Variants in SLC22A25 observed in about 807,000 individuals in gnomAD.
SLC22A25 encodes solute carrier family 22 member 25, also known as MGI:2442751, MGI:2385316, MGI:3042283, MGI:3645714, MGI:3605624, MGI:2442750.
A neutral mutation model predicts 45.9 loss-of-function variants in SLC22A25; 44 were observed. The observed-to-expected ratio is 0.96, with a 90% CI of 0.75 to 1.23. The LOEUF (loss-of-function observed/expected upper bound fraction) is 1.23. SLC22A25 is among the 50% of genes most tolerant of loss of function. The pLI is 0.00. For missense variants in SLC22A25, 800 were observed against 666.4 expected (o/e 1.20, Z -2.21); for synonymous variants, 283 against 238.6 (o/e 1.19, Z -1.72).
rs1050037165 is a variant in SLC22A25, at chr11:63,158,772, T to C, written c.*5052A>G. ...TACAAACAATCCAATTATACTTTTTTAGTTATTTAAAAATGAATTAAGTTA... is the reference window on the plus strand; with the variant it reads ...TACAAACAATCCAATTATACTTTTTCAGTTATTTAAAAATGAATTAAGTTA... On this transcript the variant is annotated 3_prime_UTR_variant, in exon 12 of 12. Coordinates refer to ENST00000306494, the MANE Select transcript of SLC22A25 (RefSeq NM_199352.6). Among the ~76,000 whole-genome samples, 2 of 152,356 alleles carry C rather than the reference T, an allele frequency of 1.3e-5. No individual in the cohort carries two copies. The highest frequency in any genetic ancestry group is 4.8e-5 in the African/African-American group (2 of 41,584).
intron 5 of SLC22A25, among the ~76,000 whole-genome samples, chr11:63,219,170 A>G (rs1207907324): frequency 6.6e-6 from 1 of 152,214 alleles, no homozygotes; most frequent in Admixed American, 6.5e-5. Flanking sequence ...TTAATGGAAA[A>G]ATGCATGACT....
intron 7 of SLC22A25, among the ~76,000 whole-genome samples, chr11:63,213,075 G>T (rs2089619883): frequency 6.6e-6 from 1 of 152,190 alleles, no homozygotes; most frequent in Non-Finnish European, 1.5e-5. Flanking sequence ...CCCAGGCTTG[G>T]AAGTGCACAC....
At chr11:63,217,967 A>G in intron 5 of SLC22A25, 1 of 638,538 alleles carries the variant, frequency 1.6e-6, no homozygotes, top group Middle Eastern at 2.5e-4. Flanking sequence ...TTGCCAGTAG[A>G]TCATTGATAC....
chr11:63,168,248 G>A (rs572419211), intron 9 of SLC22A25, among the ~76,000 whole-genome samples: 2 of 152,266 alleles, frequency 1.3e-5, no homozygotes, highest in South Asian at 2.1e-4. Context: ...CCAAAAAACC[G>A]AATGCGTCTT....
intron 7 of SLC22A25, among the ~76,000 whole-genome samples, chr11:63,196,158 G>A (rs1019703971): frequency 2.0e-5 from 3 of 152,096 alleles, no homozygotes; most frequent in Admixed American, 6.5e-5. Context: ...ATTCACAGCC[G>A]AATTCTACCA....
At chr11:63,243,243 G>A (rs569925099) in intron 1 of SLC22A25, 191 bp downstream of exon 1, 40 of 352,780 alleles carry the variant, frequency 1.1e-4, no homozygotes, top group Middle Eastern at 8.7e-4. Context: ...CCATCCAGCC[G>A]TACATGCACA....
At chr11:63,201,980 G>A (rs1010673913) in intron 7 of SLC22A25, among the ~76,000 whole-genome samples, 1 of 152,144 alleles carries the variant, frequency 6.6e-6, no homozygotes, top group African/African-American at 2.4e-5. Context: ...GACAGTGGGT[G>A]CAGCTCACAG....
In SLC22A25 at chr11:63,164,559, G is replaced by T. The variant is rs2134703989; in HGVS notation, c.1361C>A (p.Ala454Asp). The change falls in exon 11 of 12, where the codon GCC becomes GAC. Residue 454 changes from alanine (A) to aspartate (D), a missense_variant. Ala to Asp is a moderately radical substitution (Grantham distance 126). Coordinates refer to ENST00000306494, the MANE Select transcript of SLC22A25 (RefSeq NM_199352.6). Reference sequence around the variant, plus strand: ...GGAAGGAATTAGTTCATTTTCTTGGGCAGTAGAACAGGTAATGCCAAGAGA... The same window carrying T: ...GGAAGGAATTAGTTCATTTTCTTGGTCAGTAGAACAGGTAATGCCAAGAGA... ...AASLGITCST[A>D]QENELIPSII... The T allele has an allele frequency of 1.2e-6, 2 of 1,613,728 alleles. No homozygotes were observed. The highest frequency in any genetic ancestry group is 4.5e-5 in the East Asian group (2 of 44,830).
intron 5 of SLC22A25, among the ~76,000 whole-genome samples, chr11:63,218,876 T>G (rs1320133268): frequency 1.3e-5 from 2 of 152,130 alleles, no homozygotes; most frequent in East Asian, 3.8e-4. Flanking sequence ...GTATTGAAGG[T>G]CCTAGCTACT....
At chr11:63,226,277 G>A (rs1162610620) in intron 5 of SLC22A25, among the ~76,000 whole-genome samples, 4 of 152,068 alleles carry the variant, frequency 2.6e-5, no homozygotes, top group African/African-American at 9.7e-5. Flanking sequence ...GCTCATACTC[G>A]TCCTTCTTGG....
At chr11:63,219,963 G>A (rs963009260) in intron 5 of SLC22A25, 15 of 1,289,156 alleles carry the variant, frequency 1.2e-5, no homozygotes, top group South Asian at 3.7e-5. Flanking sequence ...ATGGCAATGG[G>A]CACCTCAAGT....
At chr11:63,202,399 CT>C (rs980829588) in intron 7 of SLC22A25, among the ~76,000 whole-genome samples, 10 of 152,212 alleles carry the variant, frequency 6.6e-5, no homozygotes, top group African/African-American at 2.4e-4. Flanking sequence ...CTAAGATCCA[CT>C]GGCTTGAAAT....
At chr11:63,165,461 A>G (rs1374165059) in intron 10 of SLC22A25, among the ~76,000 whole-genome samples, 1 of 152,196 alleles carries the variant, frequency 6.6e-6, no homozygotes, top group African/African-American at 2.4e-5. Context: ...AGATTCTAAG[A>G]GAAGGTCTTA....
chr11:63,188,523 A>G (rs1448937451), intron 7 of SLC22A25, among the ~76,000 whole-genome samples: 2 of 151,890 alleles, frequency 1.3e-5, no homozygotes, highest in Non-Finnish European at 2.9e-5. Flanking sequence ...TTTTTTGAAG[A>G]GTTCTTTGTG....
chr11:63,196,587 G>A (rs1465754179), intron 7 of SLC22A25, among the ~76,000 whole-genome samples: 1 of 152,088 alleles, frequency 6.6e-6, no homozygotes, highest in Non-Finnish European at 1.5e-5. Flanking sequence ...AATAAATTAG[G>A]TATTGATGGG....
intron 7 of SLC22A25, among the ~76,000 whole-genome samples, chr11:63,206,301 G>C (rs1169960243): frequency 6.6e-6 from 1 of 152,176 alleles, no homozygotes; most frequent in Non-Finnish European, 1.5e-5. Context: ...TCAGGCAAGA[G>C]AAAGAAATAA....
chr11:63,243,000 C>G (rs2090275116), intron 1 of SLC22A25: 1 of 156,028 alleles, frequency 6.4e-6, no homozygotes, highest in African/African-American at 2.4e-5. Context: ...AATGCTTTTG[C>G]CTTCCCCCTC....
At chr11:63,197,877 A>G (rs1245099980) in intron 7 of SLC22A25, among the ~76,000 whole-genome samples, 2 of 151,782 alleles carry the variant, frequency 1.3e-5, no homozygotes, top group East Asian at 3.8e-4. Context: ...TAAATTTACA[A>G]GGAAAAATGA....
Position 63,217,622 on chromosome 11 carries a change from C to G in SLC22A25, c.620G>C (p.Gly207Ala). ...TACAATGATGCTAAATGTAGCAGCC[C>G]CAGCCAAGAAGCGCAGGGAGCAGTA... ...LVYCSLRFLA[G>A]AATFSIIVNT... is the part of the protein sequence containing the mutation. The change falls in exon 6 of 12, where the codon GGG (glycine) becomes GCG (alanine). Residue 207 changes from glycine (G) to alanine (A), a missense_variant. Transcript: ENST00000306494. 1 of 1,613,750 alleles carries G rather than the reference C, an allele frequency of 6.2e-7. No homozygotes were observed. The highest frequency in any genetic ancestry group is 8.5e-7 in the Non-Finnish European group (1 of 1,179,952).
Sources: allele counts gnomAD v4.1 joint callset (sites outside exome capture counted in the v4.1 genomes callset), GRCh38; gene constraint gnomAD v4.1.1; transcripts MANE v1.5; gene names NCBI Gene and HGNC (gene_info 2026-07-23, HGNC 2026-07-21).